The following PTPRT variants were observed in gnomAD, a reference collection of about 807,000 sequenced individuals.
The protein encoded by PTPRT is protein tyrosine phosphatase receptor type T, also known as receptor-type tyrosine-protein phosphatase T.
A neutral mutation model predicts 176.8 loss-of-function variants in PTPRT; 56 were observed. The observed-to-expected ratio is 0.32, with a 90% CI of 0.26 to 0.40. The LOEUF (loss-of-function observed/expected upper bound fraction) is 0.40. Among genes scored for constraint, PTPRT ranks in the 10% least tolerant of loss-of-function variants. PTPRT has a pLI of 1.00. For missense variants in PTPRT, 1,540 were observed against 1,908.2 expected (o/e 0.81, Z 3.60); for synonymous variants, 783 against 739.0 (o/e 1.06, Z -0.96).
At chr20:42,043,061 C>A in the PTPRT span, among the ~76,000 whole-genome samples, 25 of 152,336 alleles carry the variant, frequency 1.6e-4, no homozygotes, top group South Asian at 1.2e-3. Flanking sequence ...TGGCCAAGTT[C>A]TTGGGTGGAA....
intron 1 of PTPRT, among the ~76,000 whole-genome samples, chr20:43,105,000 C>T (rs2012539048): frequency 1.3e-5 from 2 of 151,988 alleles, no homozygotes; most frequent in Non-Finnish European, 1.5e-5. Flanking sequence ...TCAAAGGGAC[C>T]CCTAGTTTCC....
At chr20:42,230,576 T>G (rs6102741) in intron 15 of PTPRT, among the ~76,000 whole-genome samples, 15,562 of 152,176 alleles carry the variant, frequency 0.1, 2,674 homozygotes, top group African/African-American at 0.35. Flanking sequence ...TGAGGAATAG[T>G]AGCTGCTATT....
chr20:42,716,094 C>T (rs900458319), intron 6 of PTPRT, among the ~76,000 whole-genome samples: 10 of 152,234 alleles, frequency 6.6e-5, no homozygotes, highest in Admixed American at 4.6e-4. Context: ...GCTGCTCCCA[C>T]GGTTCTGGGT....
chr20:43,158,726 T>A (rs2146435976), intron 1 of PTPRT, among the ~76,000 whole-genome samples: 1 of 152,268 alleles, frequency 6.6e-6, no homozygotes, highest in East Asian at 1.9e-4. Flanking sequence ...CAAGGACACC[T>A]TGTGTAAAAT....
At chr20:43,092,374 C>A (rs1463752632) in intron 1 of PTPRT, among the ~76,000 whole-genome samples, 2 of 152,220 alleles carry the variant, frequency 1.3e-5, no homozygotes, top group African/African-American at 4.8e-5. Flanking sequence ...GTGCAGGAGG[C>A]TTCCCAAATG....
intron 7 of PTPRT, among the ~76,000 whole-genome samples, chr20:42,521,491 C>G (rs914594632): frequency 2.0e-5 from 3 of 152,138 alleles, no homozygotes; most frequent in Non-Finnish European, 4.4e-5. Flanking sequence ...TTCCAATATT[C>G]CTGCATCTTT....
At chr20:42,049,765 G>T in the PTPRT span, among the ~76,000 whole-genome samples, 2 of 152,106 alleles carry the variant, frequency 1.3e-5, no homozygotes, top group Non-Finnish European at 2.9e-5. Context: ...TCTCCACTTG[G>T]GCTTTCAGAG....
intron 7 of PTPRT, among the ~76,000 whole-genome samples, chr20:42,585,907 T>C (rs74946097): frequency 1.9e-3 from 287 of 150,930 alleles, no homozygotes; most frequent in African/African-American, 6.7e-3. Flanking sequence ...CATATTGACA[T>C]ATATATATGT....
At chr20:42,086,753 A>AATATATAT (rs1555858329) in intron 27 of PTPRT, among the ~76,000 whole-genome samples, 17 of 95,508 alleles carry the variant, frequency 1.8e-4, no homozygotes, top group East Asian at 1.0e-3. Flanking sequence ...AAAAAAAAAA[A>AATATATAT]ATATATATAT....
intron 7 of PTPRT, among the ~76,000 whole-genome samples, chr20:42,528,072 G>A (rs764328389): frequency 9.9e-5 from 15 of 152,132 alleles, no homozygotes; most frequent in East Asian, 1.9e-4. Context: ...GGCTCCTGTC[G>A]GCCCTTCTAA....
intron 11 of PTPRT, among the ~76,000 whole-genome samples, chr20:42,334,361 G>T (rs568483239): frequency 6.6e-6 from 1 of 152,122 alleles, no homozygotes; most frequent in Admixed American, 6.5e-5. Flanking sequence ...ACAAATTAAC[G>T]CTGGTTGAGA....
chr20:43,088,330 T>TGG (rs3223717), intron 1 of PTPRT, among the ~76,000 whole-genome samples: 32 of 122,706 alleles, frequency 2.6e-4, no homozygotes, highest in African/African-American at 6.4e-4. Flanking sequence ...TGTTTTGCTT[T>TGG]GGGGTGTGTG....
intron 18 of PTPRT, among the ~76,000 whole-genome samples, chr20:42,130,963 G>A (rs1988096608): frequency 6.6e-6 from 1 of 152,176 alleles, no homozygotes; most frequent in Non-Finnish European, 1.5e-5. Context: ...GAATGATATG[G>A]TATTATGAGT....
At chr20:42,251,084 T>C (rs2056544115) in intron 13 of PTPRT, among the ~76,000 whole-genome samples, 1 of 152,208 alleles carries the variant, frequency 6.6e-6, no homozygotes, top group East Asian at 1.9e-4. Flanking sequence ...TAATCCACAA[T>C]GTAGCAAGCA....
chr20:43,061,244 G>A, intron 1 of PTPRT, among the ~76,000 whole-genome samples: 1 of 152,262 alleles, frequency 6.6e-6, no homozygotes, highest in Non-Finnish European at 1.5e-5. Context: ...CGCTCCTCCA[G>A]AAACAATCTA....
At chr20:43,102,909 C>T (rs1179495522) in intron 1 of PTPRT, among the ~76,000 whole-genome samples, 1 of 151,838 alleles carries the variant, frequency 6.6e-6, no homozygotes, top group Non-Finnish European at 1.5e-5. Context: ...AAAACTAAGA[C>T]ACAGAGAGAA....
the PTPRT span, among the ~76,000 whole-genome samples, chr20:42,037,861 C>T: frequency 0.63 from 96,445 of 152,058 alleles, 31,870 homozygotes; most frequent in African/African-American, 0.82. Context: ...TTTGCTTCAG[C>T]TCCTCTGCTG....
intron 2 of PTPRT, among the ~76,000 whole-genome samples, chr20:42,825,768 T>C (rs919514389): frequency 6.6e-6 from 1 of 151,992 alleles, no homozygotes; most frequent in African/African-American, 2.4e-5. Flanking sequence ...GATGCAAACA[T>C]TTTGGAGGAA....
chr20:42,751,382 T>C (rs556861531), intron 6 of PTPRT, among the ~76,000 whole-genome samples: 5 of 152,288 alleles, frequency 3.3e-5, no homozygotes, highest in East Asian at 1.9e-4. Flanking sequence ...GGGAATCAGC[T>C]TTCCCGATCC....
Sources: gnomAD v4.1 joint callset for allele counts (sites outside exome capture counted in the v4.1 genomes callset) on GRCh38, gnomAD v4.1.1 for gene constraint, MANE v1.5 for transcripts, NCBI Gene and HGNC (gene_info 2026-07-23, HGNC 2026-07-21) for gene names.